ABHD2: variants seen among roughly 807,000 people sequenced by gnomAD.
The protein encoded by ABHD2 is abhydrolase domain containing 2, acylglycerol lipase, also known as monoacylglycerol lipase ABHD2.
In ABHD2, 20 loss-of-function variants were observed where a neutral mutation model predicts 48.1. That is an observed-to-expected ratio of 0.42 (90% CI 0.29 to 0.60). The LOEUF (loss-of-function observed/expected upper bound fraction) is 0.60, where lower values mean the gene tolerates loss of function less well. Among genes scored for constraint, ABHD2 ranks in the 20% least tolerant of loss-of-function variants. The pLI, the probability that ABHD2 is intolerant of heterozygous loss-of-function variation, is 0.24. For synonymous variants in ABHD2, 209 were observed against 214.2 expected (o/e 0.98, Z 0.21); for missense variants, 405 against 550.9 (o/e 0.74, Z 2.65).
chr15:89,134,587 A>G (rs923506585), intron 3 of ABHD2, among the ~76,000 whole-genome samples: 17 of 152,078 alleles, frequency 1.1e-4, no homozygotes, highest in Admixed American at 7.9e-4. Flanking sequence ...TTGTTTTCAT[A>G]CTTTTCTTGG....
chr15:89,084,993 G>A (rs1476095530), upstream of ABHD2, among the ~76,000 whole-genome samples: 1 of 152,090 alleles, frequency 6.6e-6, no homozygotes, highest in Admixed American at 6.5e-5. The surrounding 1 kb of genome is among the most constrained non-coding windows in gnomAD (Gnocchi z 4.4). Context: ...ATCCCCCGAG[G>A]ACACAGAATA....
chr15:89,178,529 C>G (rs2051054665), intron 6 of ABHD2, among the ~76,000 whole-genome samples: 1 of 152,228 alleles, frequency 6.6e-6, no homozygotes, highest in Admixed American at 6.5e-5. Flanking sequence ...GTGAACCCCT[C>G]CCTCTGGCTT....
chr15:89,079,751 T>C, the ABHD2 span, among the ~76,000 whole-genome samples: 1 of 152,208 alleles, frequency 6.6e-6, no homozygotes, highest in Non-Finnish European at 1.5e-5. The surrounding 1 kb of genome is among the most constrained non-coding windows in gnomAD (Gnocchi z 4.3). Context: ...TGAGAGTCAA[T>C]AACATTTGTA....
chr15:89,127,717 A>ATATATATATATG (rs1388338798), intron 3 of ABHD2, among the ~76,000 whole-genome samples: 3 of 87,346 alleles, frequency 3.4e-5, no homozygotes, highest in African/African-American at 1.8e-4. Flanking sequence ...ATATATATAT[A>ATATATATATATG]TACACATATA....
chr15:89,072,120 G>C, the ABHD2 span, among the ~76,000 whole-genome samples: 1 of 152,180 alleles, frequency 6.6e-6, no homozygotes, highest in East Asian at 1.9e-4. Flanking sequence ...CCTCCTATGA[G>C]CCTTGGTCAC....
At chr15:89,143,406 G>A (rs1415431658) in intron 3 of ABHD2, among the ~76,000 whole-genome samples, 14 of 152,138 alleles carry the variant, frequency 9.2e-5, no homozygotes, top group African/African-American at 3.1e-4. Context: ...GGTGGCTCAC[G>A]CCTGTAATCC....
intron 3 of ABHD2, among the ~76,000 whole-genome samples, chr15:89,150,168 T>A (rs528288034): frequency 2.0e-5 from 3 of 152,386 alleles, no homozygotes; most frequent in African/African-American, 7.2e-5. Flanking sequence ...ATTCTTCTGA[T>A]ATTTTTAAGC....
chr15:89,202,171 G>A lies in ABHD2; in HGVS notation c.*6748G>A, dbSNP rs559251280. On this transcript the variant is annotated 3_prime_UTR_variant, in exon 11 of 11. Transcript: ENST00000352732. ...GCAATGCAATTTTTTCTAAATATGG[G>A]GATATTTACCTTTATTAAGAAATTA... 17 of 166,012 alleles carry A rather than the reference G, an allele frequency of 1.0e-4. 1 individual carries two copies. In the South Asian group the frequency reaches 2.8e-3, roughly 28 times the overall value. 10.3% of individuals were successfully genotyped at this position (166,012 alleles called of 1,614,324 possible).
intron 3 of ABHD2, among the ~76,000 whole-genome samples, chr15:89,150,613 T>C (rs1228460454): frequency 6.6e-6 from 1 of 151,614 alleles, no homozygotes; most frequent in African/African-American, 2.4e-5. Flanking sequence ...TTGTGTAGAT[T>C]TGATTAATTA....
At chr15:89,082,151 C>G in the ABHD2 span, among the ~76,000 whole-genome samples, 1 of 152,254 alleles carries the variant, frequency 6.6e-6, no homozygotes, top group East Asian at 1.9e-4. This position sits in a 1 kb window ranked among gnomAD's most constrained non-coding sequence, Gnocchi z 4.4. Context: ...AAACTGCCCC[C>G]AGTTGAGAAC....
Position 89,188,194 on chromosome 15 carries a change from C to A in ABHD2, c.817C>A (p.Gln273Lys). The change falls in exon 8 of 11, where the codon CAA becomes AAA. Residue 273 changes from glutamine to lysine, a missense_variant and splice_region_variant. By Grantham distance (53) the Gln-to-Lys change is moderately conservative. Transcript: ENST00000352732. This position sits in a 1 kb window ranked among gnomAD's most constrained non-coding sequence, Gnocchi z 4.1. ...TGTTTGCTTTTGTGTTTGCTCTAGGCAAGCTCTTTTTGGAGACCATGTTAA... is the reference window on the plus strand; with the variant it reads ...TGTTTGCTTTTGTGTTTGCTCTAGGAAAGCTCTTTTTGGAGACCATGTTAA... ...NMKKIILSHR[Q>K]ALFGDHVKKP... is the part of the protein sequence containing the mutation. 6.2e-7 allele frequency: 1 copy of A among 1,613,952 alleles called. No individual in the cohort carries two copies.
chr15:89,158,027 A>G (rs1306638928), intron 5 of ABHD2, among the ~76,000 whole-genome samples: 2 of 152,010 alleles, frequency 1.3e-5, no homozygotes, highest in Non-Finnish European at 2.9e-5. Flanking sequence ...TAGATTGTCT[A>G]TACAAGTAGA....
chr15:89,123,591 TTC>T (rs1372261885), intron 3 of ABHD2, among the ~76,000 whole-genome samples: 3 of 133,694 alleles, frequency 2.2e-5, no homozygotes, highest in African/African-American at 9.2e-5. Context: ...CTTTCTTTCT[TTC>T]TTTTTTTTTT....
chr15:89,071,618 C>T, the ABHD2 span, among the ~76,000 whole-genome samples: 1 of 152,144 alleles, frequency 6.6e-6, no homozygotes, highest in Non-Finnish European at 1.5e-5. Flanking sequence ...GGCCTCCATC[C>T]CTTATACGGC....
chr15:89,047,033 T>C, the ABHD2 span, among the ~76,000 whole-genome samples: 1 of 151,818 alleles, frequency 6.6e-6, no homozygotes, highest in African/African-American at 2.4e-5. Flanking sequence ...TGTGGGCATT[T>C]AGTGCTATAA....
chr15:89,190,245 C>G (rs1001254752), intron 8 of ABHD2, among the ~76,000 whole-genome samples: 1 of 152,220 alleles, frequency 6.6e-6, no homozygotes, highest in African/African-American at 2.4e-5. Context: ...ATCTTCTGGC[C>G]TAGGCCTCCT....
the ABHD2 span, among the ~76,000 whole-genome samples, chr15:89,073,093 T>G: frequency 6.6e-6 from 1 of 152,326 alleles, no homozygotes; most frequent in African/African-American, 2.4e-5. Flanking sequence ...TTTCATTTGC[T>G]AAATCTAGCA....
At position 89,168,044 on chromosome 15, in the gene ABHD2, T is replaced by G. The variant is rs549689002; in HGVS notation, c.539-7768T>G. On this transcript the variant is annotated intron_variant, in intron 5 of 10. Transcript: ENST00000352732. This position sits in a 1 kb window ranked among gnomAD's most constrained non-coding sequence, Gnocchi z 4.8. ...CTGGCATGGAACATACAGAGATGAC[T>G]CAGAGTCTCCATCCACAAGGAACAC... Among the ~76,000 whole-genome samples the G allele has an allele frequency of 2.9e-4, 44 of 152,316 alleles. No individual in the cohort carries two copies. The East Asian group carries it at 8.5e-3, about 29-fold the overall frequency.
chr15:89,061,059 G>T, the ABHD2 span, among the ~76,000 whole-genome samples: 1 of 152,062 alleles, frequency 6.6e-6, no homozygotes. Context: ...CATAATGATG[G>T]AAACAGACAC....
Sources: gnomAD v4.1 joint callset for allele counts (sites outside exome capture counted in the v4.1 genomes callset) on GRCh38, gnomAD v4.1.1 for gene constraint, Gnocchi (gnomAD v3.1) non-coding constraint, MANE v1.5 for transcripts, NCBI Gene and HGNC (gene_info 2026-07-23, HGNC 2026-07-21) for gene names.